The following FAM184B variants were observed in gnomAD, a reference collection of about 807,000 sequenced individuals.
FAM184B encodes the protein family with sequence similarity 184 member B, also known as protein FAM184B.
FAM184B carries 111 observed loss-of-function variants against 135.9 expected under a neutral mutation model. The ratio of observed to expected loss-of-function variants is 0.82; its 90% CI spans 0.70 to 0.96. The LOEUF (loss-of-function observed/expected upper bound fraction) is 0.96. FAM184B is among the 40% of genes least tolerant of loss of function. The probability of loss-of-function intolerance (pLI) is 0.00; values close to 1 mark genes in which losing one functional copy is unlikely to be tolerated. For missense variants in FAM184B, 1,375 were observed against 1,323.9 expected (o/e 1.04, Z -0.60); for synonymous variants, 552 against 524.8 (o/e 1.05, Z -0.71).
chr4:17,742,686 A>G (rs1718071053), intron 1 of FAM184B, among the ~76,000 whole-genome samples: 1 of 152,234 alleles, frequency 6.6e-6, no homozygotes, highest in South Asian at 2.1e-4. Context: ...AACTTCAGAC[A>G]GTGCGGCTTC....
intron 1 of FAM184B, among the ~76,000 whole-genome samples, chr4:17,777,833 C>T (rs1391916849): frequency 6.6e-6 from 1 of 152,148 alleles, no homozygotes; most frequent in Non-Finnish European, 1.5e-5. Flanking sequence ...AAAGCATATG[C>T]ACCCCTGTAA....
rs1421971928 is a variant in FAM184B at position 17,693,367 on chromosome 4, C to G, written c.1423G>C (p.Glu475Gln). The G allele has an allele frequency of 6.4e-7, 1 of 1,551,616 alleles. No homozygotes were observed. The highest frequency in any genetic ancestry group is 8.7e-7 in the Non-Finnish European group (1 of 1,147,002). The change falls in exon 6 of 18, where the codon GAG becomes CAG. Residue 475 changes from glutamate to glutamine, a missense_variant. Physicochemically the swap from Glu to Gln is conservative, Grantham distance 29 (BLOSUM62 2). Transcript: ENST00000265018. ...TTCTCTTCTTCCAGCTGCTTTATCT[C>G]CTTTTCTGATTTCTTCCTCACTTCC... ...LEEVRKKSEK[E>Q]IKQLEEEKAA...
In FAM184B at chr4:17,774,698, T is replaced by A. The variant is rs78884715; in HGVS notation, c.141+6461A>T. Among the ~76,000 whole-genome samples, 676 of 152,340 alleles carry A rather than the reference T, an allele frequency of 4.4e-3. 25 individuals are homozygous for A. The East Asian group carries it at 0.084, about 19-fold the overall frequency. On this transcript the variant is annotated intron_variant, in intron 1 of 17. Coordinates refer to ENST00000265018, the MANE Select transcript of FAM184B (RefSeq NM_015688.2). Reference sequence around the variant, plus strand: ...ACCTGTCACCATTCTCTCTTCTCCTTATAAGATGGGCCTGGGCCCTGTATG... The same window carrying A: ...ACCTGTCACCATTCTCTCTTCTCCTAATAAGATGGGCCTGGGCCCTGTATG...
intron 15 of FAM184B, 32 bp downstream of exon 15, chr4:17,636,496 T>G (rs1032894120): frequency 2.6e-6 from 4 of 1,516,928 alleles, no homozygotes; most frequent in African/African-American, 2.8e-5. Flanking sequence ...CCCGGCCAGG[T>G]GCGTGGGTGA....
intron 1 of FAM184B, among the ~76,000 whole-genome samples, chr4:17,718,024 T>C (rs936095394): frequency 3.2e-4 from 49 of 152,184 alleles, no homozygotes; most frequent in Admixed American, 3.2e-3. Flanking sequence ...GCTAACTTCA[T>C]ATGTAGGGGT....
intron 11 of FAM184B, among the ~76,000 whole-genome samples, chr4:17,650,788 G>T (rs1249435205): frequency 6.6e-6 from 1 of 152,206 alleles, no homozygotes; most frequent in Non-Finnish European, 1.5e-5. Context: ...GAAACATGCA[G>T]TCAGTGGGAC....
chr4:17,696,767 C>T (rs367644854), intron 5 of FAM184B, among the ~76,000 whole-genome samples: 7 of 151,752 alleles, frequency 4.6e-5, no homozygotes, highest in Admixed American at 3.3e-4. Context: ...GAGCCATGAT[C>T]GCATCACTGT....
chr4:17,729,286 AG>A (rs1717716737), intron 1 of FAM184B, among the ~76,000 whole-genome samples: 1 of 152,236 alleles, frequency 6.6e-6, no homozygotes, highest in Non-Finnish European at 1.5e-5. Flanking sequence ...CAGCTCAAGG[AG>A]GCCTGCCTGC....
intron 1 of FAM184B, among the ~76,000 whole-genome samples, chr4:17,766,059 G>A (rs563183073): frequency 9.9e-5 from 15 of 152,226 alleles, no homozygotes; most frequent in Admixed American, 2.0e-4. Context: ...CATAAAGGAA[G>A]TGCAGGCCCA....
Position 17,664,591 on chromosome 4 carries a change from T to C in FAM184B, c.1665A>G (p.Glu555=). 4 of 1,551,842 alleles carry C rather than the reference T, an allele frequency of 2.6e-6. No individual in the cohort carries two copies. Among genetic ancestry groups the C allele is most frequent in the Non-Finnish European group, 3.5e-6 (4 of 1,146,996 alleles). Residue 555 remains glutamate (E), a synonymous_variant, in exon 8 of 18, where the codon GAA becomes GAG. Transcript: ENST00000265018. ...CTTCTTCATCACTGCTGGTTCCTTC[T>C]TCAGCTGCTAACTTATCTTGATACT... ...GEEYQDKLAA[E]EGTSSDEEER... is the part of the protein sequence containing the mutation.
intron 1 of FAM184B, among the ~76,000 whole-genome samples, chr4:17,771,290 C>T (rs774072913): frequency 5.3e-5 from 8 of 152,004 alleles, no homozygotes; most frequent in Non-Finnish European, 1.2e-4. Context: ...AAGGCTGGGG[C>T]GAGGCAGGGG....
chr4:17,721,383 CAAAAAA>C (rs61539641), intron 1 of FAM184B, among the ~76,000 whole-genome samples: 5 of 47,384 alleles, frequency 1.1e-4, no homozygotes, highest in Admixed American at 2.7e-4. Context: ...GATTCTGTCT[CAAAAAA>C]AAAAAAAAAA....
At chr4:17,688,931 G>C (rs1298723816) in intron 6 of FAM184B, among the ~76,000 whole-genome samples, 1 of 152,046 alleles carries the variant, frequency 6.6e-6, no homozygotes, top group Non-Finnish European at 1.5e-5. Context: ...GACCTTAAGC[G>C]ATCCGCCTGC....
At chr4:17,764,021 GT>G (rs759842384) in intron 1 of FAM184B, among the ~76,000 whole-genome samples, 10 of 151,986 alleles carry the variant, frequency 6.6e-5, no homozygotes, top group Non-Finnish European at 1.5e-4. Flanking sequence ...CTACCTACAT[GT>G]TTTTTACTCT....
chr4:17,767,105 G>A (rs577812922), intron 1 of FAM184B, among the ~76,000 whole-genome samples: 4 of 152,264 alleles, frequency 2.6e-5, no homozygotes, highest in East Asian at 1.9e-4. Flanking sequence ...CTCCGAGTGC[G>A]GGGCCGCCGA....
intron 14 of FAM184B, among the ~76,000 whole-genome samples, chr4:17,637,325 C>G (rs1174667359): frequency 2.0e-5 from 3 of 152,210 alleles, no homozygotes; most frequent in African/African-American, 7.2e-5. Flanking sequence ...CCGCGCCCGG[C>G]CCCCACTGCT....
At chr4:17,743,795 G>A (rs1718097057) in intron 1 of FAM184B, among the ~76,000 whole-genome samples, 1 of 152,168 alleles carries the variant, frequency 6.6e-6, no homozygotes, top group African/African-American at 2.4e-5. Flanking sequence ...AAGTGTATTA[G>A]TTTTCTATTG....
chr4:17,666,533 A>G (rs1182550518), intron 7 of FAM184B, among the ~76,000 whole-genome samples: 2 of 116,226 alleles, frequency 1.7e-5, no homozygotes, highest in Non-Finnish European at 3.2e-5. Flanking sequence ...CATGTTGCCC[A>G]AGCTGGTCTT....
intron 1 of FAM184B, among the ~76,000 whole-genome samples, chr4:17,742,610 G>A (rs1016570081): frequency 1.3e-5 from 2 of 152,252 alleles, no homozygotes; most frequent in South Asian, 4.1e-4. Context: ...GAGCATTGAG[G>A]TTACAAGCAG....
Sources: allele counts gnomAD v4.1 joint callset (sites outside exome capture counted in the v4.1 genomes callset), GRCh38; gene constraint gnomAD v4.1.1; transcripts MANE v1.5; gene names NCBI Gene and HGNC (gene_info 2026-07-23, HGNC 2026-07-21).